XRN1: variants seen among roughly 807,000 people sequenced by gnomAD.
The protein encoded by XRN1 is 5'-3' exoribonuclease 1.
Under a neutral mutation model 222.3 loss-of-function variants are expected in XRN1, and 67 were observed. The observed-to-expected ratio is 0.30, with a 90% CI of 0.25 to 0.37. The LOEUF is 0.37. Among genes scored for constraint, XRN1 ranks in the 10% least tolerant of loss-of-function variants. XRN1 has a pLI of 1.00. For synonymous variants in XRN1, 643 were observed against 652.4 expected, an observed-to-expected ratio of 0.99 and a Z score of 0.22; for missense variants, 1,707 against 2,000.2, an observed-to-expected ratio of 0.85 and a Z score of 2.80.
At position 142,373,754 on chromosome 3, in the gene XRN1, G is replaced by A. The variant is rs192881033; in HGVS notation, c.2978+2044C>T. On this transcript the variant is annotated intron_variant, in intron 25 of 40. Coordinates refer to ENST00000392981, the MANE Select transcript of XRN1 (RefSeq NM_001282857.2). ...TGTAATCCCAGCACTTTGGGAGGCC[G>A]AGGCAGGCAGATCACTTGAGGTCAG... 1.5e-3 allele frequency among the ~76,000 whole-genome samples: 234 copies of A among 152,236 alleles called. 2 individuals carry two copies. The highest frequency in any genetic ancestry group is 3.9e-3 in the Admixed American group (59 of 15,300).
chr3:142,317,172 G>A (rs1301231694), intron 39 of XRN1, among the ~76,000 whole-genome samples: 2 of 152,176 alleles, frequency 1.3e-5, no homozygotes, highest in Non-Finnish European at 2.9e-5. Context: ...AAGATAATCT[G>A]TGTCTTTATT....
intron 1 of XRN1, among the ~76,000 whole-genome samples, chr3:142,439,648 G>A (rs912517625): frequency 4.6e-5 from 7 of 152,150 alleles, no homozygotes; most frequent in African/African-American, 1.4e-4. Flanking sequence ...TCAAAAGTCC[G>A]CCTTAGGCCC....
Position 142,404,985 on chromosome 3 carries a change from C to T in XRN1, c.1805G>A (p.Trp602Ter). 6.2e-7 allele frequency: 1 copy of T among 1,613,926 alleles called. No homozygotes were observed. Among genetic ancestry groups the T allele is most frequent in the Non-Finnish European group, 8.5e-7 (1 of 1,179,874 alleles). Residue 602 changes from tryptophan to a stop codon, truncating the protein, a stop_gained, in exon 16 of 41, where the codon TGG becomes TAG. Transcript: ENST00000392981. LOFTEE classifies it high-confidence loss of function. ...GATAAACTCTGTGTCTCTATCATAC[C>T]AGCACATTAGGCACTCACTATGTTG... is the stretch of plus-strand genomic sequence containing the variant. ...RNQHSECLMC[W>*]YDRDTEFIYP... is the part of the protein sequence containing the mutation.
chr3:142,422,944 A>G (rs762400158), intron 6 of XRN1, 22 bp from the exon 7 acceptor site: 1 of 1,559,290 alleles, frequency 6.4e-7, no homozygotes, highest in African/African-American at 1.4e-5. Context: ...CAGATGATCA[A>G]GATACAGTGA....
At chr3:142,340,757 G>C (rs2065971394) in intron 33 of XRN1, among the ~76,000 whole-genome samples, 1 of 152,260 alleles carries the variant, frequency 6.6e-6, no homozygotes, top group South Asian at 2.1e-4. Context: ...CAGGCGAGAA[G>C]ACAGTGGCAT....
At chr3:142,423,009 T>C in intron 6 of XRN1, 87 bp from the exon 7 acceptor site, 1 of 1,061,016 alleles carries the variant, frequency 9.4e-7, no homozygotes, top group Non-Finnish European at 1.4e-6. Flanking sequence ...ATCAAAAGTA[T>C]CATCAGAAGA....
At position 142,338,223 on chromosome 3, in the gene XRN1, C is replaced by T. The variant is rs185737364; in HGVS notation, c.3878-2714G>A. 5.3e-4 allele frequency among the ~76,000 whole-genome samples: 81 copies of T among 152,314 alleles called. 1 individual carries two copies. Among genetic ancestry groups the T allele is most frequent in the African/African-American group, 1.9e-3 (78 of 41,566 alleles). On this transcript the variant is annotated intron_variant, in intron 33 of 40. Coordinates refer to ENST00000392981, the MANE Select transcript of XRN1 (RefSeq NM_001282857.2). ...GGCTCCAAAAGACATCCCTCTCTTCCACTTGACGAAAGAAAAGGGAAGAGT... is the reference window on the plus strand; with the variant it reads ...GGCTCCAAAAGACATCCCTCTCTTCTACTTGACGAAAGAAAAGGGAAGAGT...
chr3:142,331,722 A>G (rs1276182622), intron 36 of XRN1, among the ~76,000 whole-genome samples: 1 of 152,246 alleles, frequency 6.6e-6, no homozygotes, highest in Non-Finnish European at 1.5e-5. Context: ...TTAAGTAATC[A>G]CAAGAAGACA....
chr3:142,318,918 T>C lies in XRN1; in HGVS notation c.4405-15A>G. ...ACGGTCATTGTCTAAAAAAAGAGAA[T>C]ATATATGTCTATGAAATTCTCTGTC... On this transcript the variant is annotated splice_polypyrimidine_tract_variant and intron_variant, in intron 37 of 40. Transcript: ENST00000392981. 6.3e-7 allele frequency: 1 copy of C among 1,598,212 alleles called. No individual in the cohort carries two copies. Among genetic ancestry groups the C allele is most frequent in the South Asian group, 1.1e-5 (1 of 90,488 alleles).
At chr3:142,361,670 T>C (rs893365740) in intron 29 of XRN1, among the ~76,000 whole-genome samples, 2 of 152,194 alleles carry the variant, frequency 1.3e-5, no homozygotes, top group Non-Finnish European at 2.9e-5. Context: ...TGGTTTTAAT[T>C]TGTATTTCCC....
chr3:142,329,531 T>C lies in XRN1; in HGVS notation c.4307A>G (p.Gln1436Arg), dbSNP rs751871620. 6.2e-7 allele frequency: 1 copy of C among 1,601,912 alleles called. No homozygotes were observed. The highest frequency in any genetic ancestry group is 8.5e-7 in the Non-Finnish European group (1 of 1,175,698). ...MDNMCWPAPS[Q>R]IPPVSTPVTE... ...TACTGGTGTGGATACAGGAGGGATC[T>C]GGCTGGGGGCAGGCCAACACATATT... The change falls in exon 37 of 41, where the codon CAG becomes CGG. Residue 1436 changes from glutamine to arginine, a missense_variant. Gln to Arg is a conservative substitution (Grantham distance 43). Coordinates refer to ENST00000392981, the MANE Select transcript of XRN1 (RefSeq NM_001282857.2).
In XRN1 at chr3:142,425,411, A is replaced by AT. The variant is rs2069204090; in HGVS notation, c.516+17dup. The AT allele has an allele frequency of 6.3e-7, 1 of 1,587,824 alleles. No individual in the cohort carries two copies. Among genetic ancestry groups the AT allele is most frequent in the African/African-American group, 1.4e-5 (1 of 73,072 alleles). Reference sequence around the variant, plus strand: ...TAAATACTTTTTTTAAACTCTTTAAATAAAAAAAGATAATAACCTCATGGC... The same window carrying AT: ...TAAATACTTTTTTTAAACTCTTTAAATTAAAAAAAGATAATAACCTCATGGC... On this transcript the variant is annotated intron_variant, in intron 4 of 40. Coordinates refer to ENST00000392981, the MANE Select transcript of XRN1 (RefSeq NM_001282857.2).
At chr3:142,444,666 G>T (rs572737661) in intron 1 of XRN1, among the ~76,000 whole-genome samples, 2 of 152,080 alleles carry the variant, frequency 1.3e-5, no homozygotes, top group Admixed American at 6.5e-5. Context: ...AGCACAACAG[G>T]GTGACGATAG....
At chr3:142,439,002 C>T (rs189099787) in intron 1 of XRN1, among the ~76,000 whole-genome samples, 91 of 144,568 alleles carry the variant, frequency 6.3e-4, no homozygotes, top group Non-Finnish European at 1.1e-3. Flanking sequence ...AACCAGAGTG[C>T]CAATATTCCC....
chr3:142,334,560 C>G (rs2107928380), intron 34 of XRN1, among the ~76,000 whole-genome samples: 1 of 151,846 alleles, frequency 6.6e-6, no homozygotes, highest in African/African-American at 2.4e-5. Context: ...TCCCCCACAC[C>G]AATCTAATTC....
intron 32 of XRN1, among the ~76,000 whole-genome samples, chr3:142,353,989 G>A: frequency 6.6e-6 from 1 of 151,918 alleles, no homozygotes. Flanking sequence ...AACAAATAAT[G>A]CCATTTAAAA....
At chr3:142,391,831 T>C (rs1024211387) in intron 20 of XRN1, among the ~76,000 whole-genome samples, 1 of 151,036 alleles carries the variant, frequency 6.6e-6, no homozygotes, top group Non-Finnish European at 1.5e-5. Context: ...GGGTTTTTAA[T>C]ATATGGTGCA....
chr3:142,407,721 T>C (rs1340603033), intron 15 of XRN1: 1 of 152,236 alleles, frequency 6.6e-6, no homozygotes, highest in African/African-American at 2.4e-5. Context: ...TAATCTTCTT[T>C]GTATCATTCC....
chr3:142,431,655 A>G (rs1488620071), intron 2 of XRN1, among the ~76,000 whole-genome samples: 2 of 150,174 alleles, frequency 1.3e-5, no homozygotes, highest in Non-Finnish European at 3.0e-5. Flanking sequence ...CGTCTCTACT[A>G]AAAATACAAA....
Sources: gnomAD v4.1 joint callset for allele counts (sites outside exome capture counted in the v4.1 genomes callset) on GRCh38, gnomAD v4.1.1 for gene constraint, MANE v1.5 for transcripts, NCBI Gene and HGNC (gene_info 2026-07-23, HGNC 2026-07-21) for gene names.